FRMPD4: variants seen among roughly 807,000 people sequenced by gnomAD.
The protein encoded by FRMPD4 is FERM and PDZ domain-containing protein 4.
Under a neutral mutation model 94.1 loss-of-function variants are expected in FRMPD4, and 22 were observed. The observed-to-expected ratio is 0.23, with a 90% CI of 0.17 to 0.33. FRMPD4 has a LOEUF of 0.33. Ranked by LOEUF, FRMPD4 falls within the 10% of genes least tolerant of loss-of-function variation. The pLI is 1.00. For missense variants in FRMPD4, 1,111 were observed against 1,339.9 expected, an observed-to-expected ratio of 0.83 and a Z score of 2.67; for synonymous variants, 631 against 548.6, an observed-to-expected ratio of 1.15 and a Z score of -2.10.
At chrX:12,107,373 G>A (rs2055308980) in intron 3 of FRMPD4, among the ~76,000 whole-genome samples, 1 of 111,658 alleles carries the variant, frequency 9.0e-6, no homozygotes, top group Non-Finnish European at 1.9e-5. Flanking sequence ...AAACAGAAAG[G>A]GCATCCACAC....
chrX:12,665,237 T>C (rs755407703), intron 4 of FRMPD4, among the ~76,000 whole-genome samples: 2 of 111,243 alleles, frequency 1.8e-5, no homozygotes, highest in Non-Finnish European at 3.8e-5. Context: ...GGTTAGGAGA[T>C]TGAGACCATC....
At chrX:12,504,030 G>A (rs958079462) in intron 2 of FRMPD4, among the ~76,000 whole-genome samples, 12 of 111,927 alleles carry the variant, frequency 1.1e-4, no homozygotes, top group South Asian at 7.4e-4. Context: ...TTTATATTTG[G>A]AGCAGACACC....
At chrX:12,083,870 A>T (rs1337411605) in intron 3 of FRMPD4, among the ~76,000 whole-genome samples, 2 of 112,084 alleles carry the variant, frequency 1.8e-5, no homozygotes, top group Non-Finnish European at 3.8e-5. Flanking sequence ...GAACAGCTGT[A>T]TGTATCAAAT....
intron 3 of FRMPD4, among the ~76,000 whole-genome samples, chrX:12,610,747 C>A (rs867995504): frequency 2.2e-3 from 180 of 82,822 alleles, no homozygotes; most frequent in African/African-American, 2.9e-3. Context: ...GACCCTGTCT[C>A]AAAAAAAAAA....
At chrX:11,912,328 A>G (rs1159997467) in intron 3 of FRMPD4, among the ~76,000 whole-genome samples, 1 of 112,514 alleles carries the variant, frequency 8.9e-6, no homozygotes, top group Non-Finnish European at 1.9e-5. Context: ...TTTCTCAGAG[A>G]TCACAAAGGG....
At chrX:12,174,582 G>T (rs952609474) in intron 1 of FRMPD4, among the ~76,000 whole-genome samples, 1 of 111,762 alleles carries the variant, frequency 8.9e-6, no homozygotes, top group Non-Finnish European at 1.9e-5. Context: ...CTTCCACTCT[G>T]GGACCCTTTG....
chrX:12,482,356 C>G (rs2057697067), intron 1 of FRMPD4, among the ~76,000 whole-genome samples: 1 of 112,434 alleles, frequency 8.9e-6, no homozygotes, highest in Admixed American at 9.4e-5. Context: ...AGAGACAGCC[C>G]AGTTTAACCT....
At chrX:12,102,028 C>T (rs1167208928) in intron 3 of FRMPD4, among the ~76,000 whole-genome samples, 1 of 112,005 alleles carries the variant, frequency 8.9e-6, no homozygotes, top group African/African-American at 3.2e-5. Context: ...TTAATAACTA[C>T]ATTTCACTCT....
intron 3 of FRMPD4, among the ~76,000 whole-genome samples, chrX:12,088,372 A>G (rs1490302166): frequency 9.0e-6 from 1 of 111,596 alleles, no homozygotes; most frequent in African/African-American, 3.3e-5. Context: ...CTCATGACCT[A>G]ATCACCTCTC....
chrX:12,660,172 C>T (rs756582207), intron 4 of FRMPD4, among the ~76,000 whole-genome samples: 1 of 112,252 alleles, frequency 8.9e-6, no homozygotes, highest in South Asian at 3.7e-4. Flanking sequence ...TGATTTCTCC[C>T]TAGGTTTAAA....
intron 1 of FRMPD4, among the ~76,000 whole-genome samples, chrX:12,362,761 G>A (rs971307696): frequency 3.6e-5 from 4 of 111,611 alleles, no homozygotes; most frequent in African/African-American, 1.3e-4. Flanking sequence ...TCTAGTTCTC[G>A]ATCCTTGACG....
At chrX:11,949,918 G>T (rs1198331625) in intron 3 of FRMPD4, among the ~76,000 whole-genome samples, 2 of 111,928 alleles carry the variant, frequency 1.8e-5, no homozygotes, top group East Asian at 5.6e-4. Flanking sequence ...TATGTTAAAG[G>T]TGTTCAACAT....
chrX:12,523,129 C>G (rs912269113), intron 2 of FRMPD4, among the ~76,000 whole-genome samples: 1 of 112,116 alleles, frequency 8.9e-6, no homozygotes, highest in Admixed American at 9.4e-5. Context: ...AAACTGTCCC[C>G]CTGACATAGC....
chrX:12,591,739 A>G (rs1305522672), intron 2 of FRMPD4, among the ~76,000 whole-genome samples: 5 of 111,471 alleles, frequency 4.5e-5, no homozygotes, highest in Non-Finnish European at 7.5e-5. Context: ...AGGCTTACCA[A>G]TTTTAGACCT....
Position 12,332,091 on chromosome X carries a change from TTATATATAATTTATATTATA to T in FRMPD4, c.42-166584_42-166565del, listed in dbSNP as rs1325914560. ...TAATTTATATTATATATAATTTATATTATATATAATTTATATTATATATAATTTATATTTTATATATTATA... is the reference window on the plus strand; with the variant it reads ...TAATTTATATTATATATAATTTATATTATAATTTATATTTTATATATTATA... On this transcript the variant is annotated intron_variant, in intron 1 of 16. Coordinates refer to ENST00000675598, the MANE Select transcript of FRMPD4 (RefSeq NM_001368397.1). 5.9e-4 allele frequency among the ~76,000 whole-genome samples: 42 copies of T among 70,979 alleles called. 8 individuals are homozygous for T. The highest frequency in any genetic ancestry group is 2.7e-3 in the African/African-American group (37 of 13,861). The allele number at this position is 70,979 out of a possible 115,157, so 61.6% of individuals were successfully genotyped here. A position where few individuals can be genotyped will look rare whatever the true frequency, so the allele number is the denominator to read the frequency against.
chrX:12,115,857 A>G (rs373499681), intron 3 of FRMPD4, among the ~76,000 whole-genome samples: 1 of 111,154 alleles, frequency 9.0e-6, no homozygotes, highest in African/African-American at 3.3e-5. Context: ...CTTGCTTCCC[A>G]GTGGTTTGAA....
chrX:12,147,752 C>G (rs1418049091), intron 1 of FRMPD4, among the ~76,000 whole-genome samples: 1 of 111,969 alleles, frequency 8.9e-6, no homozygotes, highest in Non-Finnish European at 1.9e-5. Flanking sequence ...AACTCCACAT[C>G]AAGCAATCTG....
intron 1 of FRMPD4, among the ~76,000 whole-genome samples, chrX:12,269,333 A>T (rs760194576): frequency 9.1e-5 from 9 of 98,513 alleles, no homozygotes; most frequent in Non-Finnish European, 1.2e-4. Context: ...AGATGGCCTC[A>T]GATTCTTCAT....
chrX:12,090,351 G>T (rs1340096052), intron 3 of FRMPD4, among the ~76,000 whole-genome samples: 1 of 110,321 alleles, frequency 9.1e-6, no homozygotes, highest in East Asian at 2.8e-4. Flanking sequence ...CTTCTGCCAG[G>T]ATTGTAAGTT....
Sources: allele counts gnomAD v4.1 joint callset (sites outside exome capture counted in the v4.1 genomes callset), GRCh38; gene constraint gnomAD v4.1.1; transcripts MANE v1.5; gene names NCBI Gene and HGNC (gene_info 2026-07-23, HGNC 2026-07-21).